Variants in ARHGAP26 observed in about 807,000 individuals in gnomAD.
ARHGAP26 encodes the protein rho GTPase-activating protein 26.
ARHGAP26 carries 38 observed loss-of-function variants against 104.8 expected under a neutral mutation model. The ratio of observed to expected loss-of-function variants is 0.36; its 90% CI spans 0.28 to 0.48. ARHGAP26 has a LOEUF of 0.48. ARHGAP26 is among the 20% of genes least tolerant of loss of function. The pLI is 0.99. For synonymous variants in ARHGAP26, 341 were observed against 340.0 expected (o/e 1.00, Z -0.03); for missense variants, 704 against 947.9 (o/e 0.74, Z 3.38).
In ARHGAP26 at chr5:142,770,669, A is replaced by AGCCG. The variant is rs1380377241; in HGVS notation, c.-87_-84dup. 3.4e-5 allele frequency: 32 copies of AGCCG among 946,838 alleles called. No homozygotes were observed. The highest frequency in any genetic ancestry group is 5.9e-5 in the Admixed American group (1 of 16,926). 58.7% of individuals were successfully genotyped at this position (946,838 alleles called of 1,614,324 possible). A position where few individuals can be genotyped will look rare whatever the true frequency, so the allele number is the denominator to read the frequency against. On this transcript the variant is annotated 5_prime_UTR_variant, in exon 1 of 23. Transcript: ENST00000645722. ...CTGTGGAGCCGGCGGCCGTCGGGGG[A>AGCCG]GCCGGCCGGGGTCCCGCCGCGTGAG...
At chr5:142,973,933 C>T (rs977246821) in intron 11 of ARHGAP26, among the ~76,000 whole-genome samples, 3 of 152,296 alleles carry the variant, frequency 2.0e-5, no homozygotes, top group Admixed American at 6.5e-5. Flanking sequence ...TGGTTTCTAA[C>T]CATTTTCCTC....
Position 142,796,054 on chromosome 5 carries a change from CTGTGTGTGTG to C in ARHGAP26, c.154+25167_154+25176del, listed in dbSNP as rs71890315. Among the ~76,000 whole-genome samples the C allele has an allele frequency of 3.6e-4, 52 of 144,148 alleles. 1 individual carries two copies. The highest frequency in any genetic ancestry group is 1.4e-3 in the East Asian group (7 of 4,956). The allele number at this position is 144,148 out of a possible 152,430, so 94.6% of individuals were successfully genotyped here. The stretch of plus-strand genomic sequence containing the variant: ...TTACTTTGTTTACTAAGGTGTTTTT[CTGTGTGTGTG>C]TGTGTGTGTGTGTGTGTGTGTGTGT... On this transcript the variant is annotated intron_variant, in intron 1 of 22. Coordinates refer to ENST00000645722, the MANE Select transcript of ARHGAP26 (RefSeq NM_001135608.3).
chr5:142,864,419 G>GTTAAAAATTGGTTTAT (rs1753896272), intron 1 of ARHGAP26, among the ~76,000 whole-genome samples: 1 of 152,160 alleles, frequency 6.6e-6, no homozygotes, highest in South Asian at 2.1e-4. Flanking sequence ...AATTGGTTTA[G>GTTAAAAATTGGTTTAT]TTAAAAAATG....
In ARHGAP26 at chr5:142,875,226, C is replaced by G. The variant is rs1755915520; in HGVS notation, c.312+55C>G. ...AGATAGTATATTCGTGTTGAGGGAGCAAGGGATGGGTATCAGAAGAACTAG... is the reference window on the plus strand; with the variant it reads ...AGATAGTATATTCGTGTTGAGGGAGGAAGGGATGGGTATCAGAAGAACTAG... On this transcript the variant is annotated intron_variant, in intron 3 of 22. Transcript: ENST00000645722. 1.2e-5 allele frequency: 19 copies of G among 1,532,720 alleles called. 1 individual carries two copies. In the South Asian group the frequency reaches 1.7e-4, roughly 14 times the overall value. The allele number at this position is 1,532,720 out of a possible 1,614,324, so 94.9% of individuals were successfully genotyped here.
chr5:143,191,306 G>C (rs1362089845), intron 20 of ARHGAP26, among the ~76,000 whole-genome samples: 1 of 152,166 alleles, frequency 6.6e-6, no homozygotes, highest in Admixed American at 6.5e-5. Context: ...AAAATTAAGA[G>C]AGAAACATTA....
chr5:143,009,406 C>G (rs1394153151), intron 11 of ARHGAP26, among the ~76,000 whole-genome samples: 1 of 152,176 alleles, frequency 6.6e-6, no homozygotes, highest in East Asian at 1.9e-4. Context: ...GAGTTCCTGT[C>G]TGGACTCTGC....
intron 17 of ARHGAP26, among the ~76,000 whole-genome samples, chr5:143,080,160 G>A (rs1229339914): frequency 1.3e-5 from 2 of 152,038 alleles, no homozygotes; most frequent in African/African-American, 4.8e-5. Flanking sequence ...TTCAAATATG[G>A]GGATGCCTAT....
At chr5:142,929,082 C>T (rs892129607) in intron 10 of ARHGAP26, among the ~76,000 whole-genome samples, 10 of 152,154 alleles carry the variant, frequency 6.6e-5, no homozygotes, top group African/African-American at 2.4e-4. Flanking sequence ...GGACTACAGG[C>T]GTGTGCTACC....
intron 20 of ARHGAP26, among the ~76,000 whole-genome samples, chr5:143,159,136 A>G (rs1174749580): frequency 1.3e-5 from 2 of 152,184 alleles, no homozygotes; most frequent in South Asian, 4.1e-4. Flanking sequence ...TCTTGACAGG[A>G]GCAGTGACCT....
chr5:142,798,084 C>T (rs1248916336), intron 1 of ARHGAP26, among the ~76,000 whole-genome samples: 5 of 152,178 alleles, frequency 3.3e-5, no homozygotes, highest in South Asian at 2.1e-4. Context: ...GATTAGCTTG[C>T]GGCTACCACT....
chr5:142,832,573 C>T (rs1043739837), intron 1 of ARHGAP26, among the ~76,000 whole-genome samples: 2 of 152,220 alleles, frequency 1.3e-5, no homozygotes, highest in African/African-American at 4.8e-5. Context: ...AAATAACAAA[C>T]ACTTATTTCA....
intron 6 of ARHGAP26, among the ~76,000 whole-genome samples, chr5:142,894,930 C>T (rs1420474380): frequency 1.3e-5 from 2 of 152,206 alleles, no homozygotes; most frequent in Non-Finnish European, 2.9e-5. Context: ...TGGACACTGT[C>T]CCAGTGAACA....
chr5:142,902,310 A>G (rs1760472133), intron 7 of ARHGAP26, among the ~76,000 whole-genome samples: 1 of 152,194 alleles, frequency 6.6e-6, no homozygotes, highest in Non-Finnish European at 1.5e-5. Context: ...CGTCTGTAGC[A>G]TTGGAGTCAG....
chr5:142,864,737 A>G (rs1176365487), intron 1 of ARHGAP26, among the ~76,000 whole-genome samples: 1 of 152,204 alleles, frequency 6.6e-6, no homozygotes, highest in Middle Eastern at 3.2e-3. Flanking sequence ...TCTCTCTTCC[A>G]GAACATGTGT....
chr5:142,897,240 G>C (rs907409829), intron 6 of ARHGAP26, among the ~76,000 whole-genome samples: 1 of 152,174 alleles, frequency 6.6e-6, no homozygotes, highest in African/African-American at 2.4e-5. Context: ...ATGTTTTTCA[G>C]TTCATACAGT....
chr5:142,926,138 C>T (rs950208170), intron 10 of ARHGAP26, among the ~76,000 whole-genome samples: 1 of 152,082 alleles, frequency 6.6e-6, no homozygotes. Flanking sequence ...GCCAGTGGTC[C>T]CAGGATCCTG....
intron 11 of ARHGAP26, among the ~76,000 whole-genome samples, chr5:142,943,436 C>T (rs919430832): frequency 3.9e-5 from 6 of 152,144 alleles, no homozygotes; most frequent in Non-Finnish European, 8.8e-5. Context: ...TCATAGATGG[C>T]ACCTTTTATC....
At chr5:142,966,919 G>A (rs1034044737) in intron 11 of ARHGAP26, among the ~76,000 whole-genome samples, 97 of 152,166 alleles carry the variant, frequency 6.4e-4, no homozygotes, top group African/African-American at 2.3e-3. Context: ...AATACTGAAT[G>A]CAGAAAAATG....
chr5:142,990,958 C>A (rs572237415), intron 11 of ARHGAP26, among the ~76,000 whole-genome samples: 1 of 152,158 alleles, frequency 6.6e-6, no homozygotes, highest in African/African-American at 2.4e-5. Context: ...TCTCAAACTC[C>A]GTGTTGGGAG....
Sources: gnomAD v4.1 joint callset for allele counts (sites outside exome capture counted in the v4.1 genomes callset) on GRCh38, gnomAD v4.1.1 for gene constraint, MANE v1.5 for transcripts, NCBI Gene and HGNC (gene_info 2026-07-23, HGNC 2026-07-21) for gene names.